The following CFAP47 variants were observed in gnomAD, a reference collection of about 807,000 sequenced individuals.
The protein encoded by CFAP47 is cilia- and flagella-associated protein 47.
CFAP47 carries 29 observed loss-of-function variants against 148.1 expected under a neutral mutation model. The ratio of observed to expected loss-of-function variants is 0.20; its 90% confidence interval spans 0.15 to 0.27. The LOEUF (loss-of-function observed/expected upper bound fraction) is 0.27. Ranked by LOEUF, CFAP47 falls within the 10% of genes least tolerant of loss-of-function variation. The pLI, the probability that CFAP47 is intolerant of heterozygous loss-of-function variation, is 1.00. For missense variants in CFAP47, 1,872 were observed against 1,697.5 expected, an observed-to-expected ratio of 1.10 and a Z score of -1.81; for synonymous variants, 664 against 577.3, an observed-to-expected ratio of 1.15 and a Z score of -2.15.
intron 1 of CFAP47, 45 bp downstream of exon 1, chrX:35,920,093 C>T (rs1419084849): frequency 1.8e-6 from 2 of 1,123,951 alleles, no homozygotes; most frequent in Non-Finnish European, 2.4e-6. Context: ...GTGAGAGCGC[C>T]TCCTCACACT....
chrX:36,179,254 A>C (rs764941707), intron 39 of CFAP47, 91 bp from the exon 40 acceptor site: 1 of 280,792 alleles, frequency 3.6e-6, no homozygotes, highest in African/African-American at 2.8e-5. Context: ...ATATTTTGTG[A>C]ATGATAGGAA....
chrX:36,356,540 A>C (rs62591062), intron 60 of CFAP47, among the ~76,000 whole-genome samples: 11,632 of 110,488 alleles, frequency 0.11, 516 homozygotes, highest in East Asian at 0.26. Context: ...ACTCTCTACA[A>C]AATCTGTAAT....
At chrX:36,288,196 A>G (rs781978207) in intron 51 of CFAP47, among the ~76,000 whole-genome samples, 2 of 112,222 alleles carry the variant, frequency 1.8e-5, no homozygotes, top group African/African-American at 6.5e-5. Context: ...TGAAACACAT[A>G]TATTTGGTTA....
intron 33 of CFAP47, among the ~76,000 whole-genome samples, chrX:36,129,445 T>C (rs1019928488): frequency 6.3e-5 from 7 of 111,102 alleles, no homozygotes; most frequent in African/African-American, 2.3e-4. Context: ...TACATTACTT[T>C]ATATCACATT....
chrX:35,951,388 G>A (rs1936164204), intron 5 of CFAP47, 29 bp downstream of exon 5: 1 of 919,357 alleles, frequency 1.1e-6, no homozygotes, highest in Non-Finnish European at 1.6e-6. Context: ...AGGGATATCA[G>A]ATATTATGAC....
chrX:36,000,712 G>T (rs906311147), intron 20 of CFAP47, among the ~76,000 whole-genome samples: 7 of 111,755 alleles, frequency 6.3e-5, no homozygotes, highest in African/African-American at 2.3e-4. Flanking sequence ...TGCCTTAAAT[G>T]AACATAAAAT....
At chrX:36,187,921 A>G (rs1248407162) in intron 40 of CFAP47, among the ~76,000 whole-genome samples, 1 of 112,012 alleles carries the variant, frequency 8.9e-6, no homozygotes, top group Non-Finnish European at 1.9e-5. Flanking sequence ...CAAAGTGAGC[A>G]AATGTGGGGT....
intron 52 of CFAP47, among the ~76,000 whole-genome samples, chrX:36,300,264 CAG>C (rs1161020733): frequency 9.3e-5 from 10 of 108,019 alleles, no homozygotes; most frequent in Non-Finnish European, 1.3e-4. Flanking sequence ...TAAAAGATGA[CAG>C]AGCTGAGATA....
At chrX:35,945,450 A>G (rs1272006600) in intron 3 of CFAP47, among the ~76,000 whole-genome samples, 1 of 110,982 alleles carries the variant, frequency 9.0e-6, no homozygotes, top group African/African-American at 3.3e-5. Flanking sequence ...GACTACTCCT[A>G]GATCTATACA....
At chrX:36,068,293 T>A (rs1168568948) in intron 27 of CFAP47, among the ~76,000 whole-genome samples, 1 of 112,232 alleles carries the variant, frequency 8.9e-6, no homozygotes, top group African/African-American at 3.2e-5. Context: ...TCATAGCCCT[T>A]ACTACATTTT....
intron 39 of CFAP47, among the ~76,000 whole-genome samples, chrX:36,171,883 T>A (rs1251979384): frequency 9.1e-6 from 1 of 109,331 alleles, no homozygotes; most frequent in African/African-American, 3.3e-5. Context: ...ATAAATTACC[T>A]TGGGCAGTAT....
rs782187981 is a variant in CFAP47 at position 36,344,707 on chromosome X, TA to T, written c.8444-3421del. The stretch of plus-strand genomic sequence containing the variant: ...CCTAGGTTTATTTTTAGTGGTCATA[TA>T]TTTTTTTTAGTAATAATGTAATCTT... On this transcript the variant is annotated intron_variant, in intron 57 of 63. Transcript: ENST00000378653. Among the ~76,000 whole-genome samples the T allele has an allele frequency of 1.0e-3, 112 of 112,347 alleles. 1 individual carries two copies. Among genetic ancestry groups the T allele is most frequent in the African/African-American group, 3.2e-3 (100 of 31,025 alleles).
chrX:36,294,227 C>T (rs1556006030), intron 51 of CFAP47, among the ~76,000 whole-genome samples: 2 of 110,969 alleles, frequency 1.8e-5, no homozygotes, highest in Admixed American at 9.6e-5. Context: ...GAGCCAGCCA[C>T]GTCAGCACCA....
At chrX:36,294,078 G>A (rs1195404272) in intron 51 of CFAP47, among the ~76,000 whole-genome samples, 1 of 111,660 alleles carries the variant, frequency 9.0e-6, no homozygotes, top group Non-Finnish European at 1.9e-5. Context: ...GACTCCAGGA[G>A]AGTCTACATG....
intron 33 of CFAP47, among the ~76,000 whole-genome samples, chrX:36,124,724 C>A (rs1029739954): frequency 9.0e-6 from 1 of 111,077 alleles, no homozygotes; most frequent in Admixed American, 9.6e-5. Context: ...GAATTTAAAG[C>A]CAGGTTCTGT....
chrX:36,052,137 C>G (rs1025830545), intron 26 of CFAP47, among the ~76,000 whole-genome samples: 1 of 111,839 alleles, frequency 8.9e-6, no homozygotes, highest in Non-Finnish European at 1.9e-5. Context: ...TGGACTAATA[C>G]AGTGTCATTA....
At chrX:36,264,189 G>A (rs1940863186) in intron 49 of CFAP47, among the ~76,000 whole-genome samples, 1 of 111,722 alleles carries the variant, frequency 9.0e-6, no homozygotes, top group Non-Finnish European at 1.9e-5. Context: ...GGGGAAGGAA[G>A]GGGTCTCTTC....
At chrX:36,000,010 C>T (rs757013781) in intron 19 of CFAP47, among the ~76,000 whole-genome samples, 2 of 110,471 alleles carry the variant, frequency 1.8e-5, no homozygotes, top group African/African-American at 6.6e-5. Context: ...AAGTAAAAAT[C>T]TAGAAACTAA....
At chrX:36,381,333 A>T (rs1942076127) in intron 63 of CFAP47, among the ~76,000 whole-genome samples, 1 of 111,969 alleles carries the variant, frequency 8.9e-6, no homozygotes, top group Non-Finnish European at 1.9e-5. Context: ...ACATTATATA[A>T]ATGGAACCAT....
Sources: gnomAD v4.1 joint callset for allele counts (sites outside exome capture counted in the v4.1 genomes callset) on GRCh38, gnomAD v4.1.1 for gene constraint, MANE v1.5 for transcripts, NCBI Gene and HGNC (gene_info 2026-07-23, HGNC 2026-07-21) for gene names.